AGBL1: variants seen among roughly 807,000 people sequenced by gnomAD.
AGBL1 encodes the protein AGBL carboxypeptidase 1.
AGBL1 carries 130 observed loss-of-function variants against 118.9 expected under a neutral mutation model. The observed-to-expected ratio is 1.09, with a 90% CI of 0.95 to 1.26. AGBL1 has a LOEUF of 1.26. AGBL1 is among the 50% of genes most tolerant of loss of function. The pLI is 0.00. For synonymous variants in AGBL1, 555 were observed against 478.9 expected (o/e 1.16, Z -2.08); for missense variants, 1,584 against 1,298.1 (o/e 1.22, Z -3.38).
At chr15:86,265,391 T>G (rs2079055552) in intron 11 of AGBL1, among the ~76,000 whole-genome samples, 2 of 152,132 alleles carry the variant, frequency 1.3e-5, no homozygotes, top group South Asian at 4.1e-4. Context: ...AAACACTGGT[T>G]GATAGATTAT....
chr15:86,902,908 G>A (rs2080230691), intron 22 of AGBL1, among the ~76,000 whole-genome samples: 1 of 152,092 alleles, frequency 6.6e-6, no homozygotes. Flanking sequence ...TTATCTGTTT[G>A]GGGGTTTTTC....
chr15:86,649,720 A>T (rs1445707976), intron 21 of AGBL1, among the ~76,000 whole-genome samples: 12 of 143,536 alleles, frequency 8.4e-5, no homozygotes, highest in African/African-American at 2.8e-5. Flanking sequence ...TTCTTTTTAC[A>T]TAAAAACAAT....
At chr15:86,441,298 TA>T (rs377608043) in intron 18 of AGBL1, among the ~76,000 whole-genome samples, 1 of 151,874 alleles carries the variant, frequency 6.6e-6, no homozygotes, top group African/African-American at 2.4e-5. Context: ...TTACTTTTTT[TA>T]AAAAAAATAT....
At chr15:86,945,967 C>T (rs1005258080) in intron 23 of AGBL1, among the ~76,000 whole-genome samples, 2 of 152,188 alleles carry the variant, frequency 1.3e-5, no homozygotes, top group African/African-American at 2.4e-5. Context: ...CTGATTTCAT[C>T]TACTCAACAG....
intron 18 of AGBL1, among the ~76,000 whole-genome samples, chr15:86,448,061 C>G (rs919814991): frequency 7.9e-5 from 12 of 152,140 alleles, no homozygotes; most frequent in Admixed American, 6.6e-5. Context: ...GGGAGGGTCA[C>G]CTGAGCCAGG....
chr15:86,642,625 A>AT (rs60732398), intron 21 of AGBL1, among the ~76,000 whole-genome samples: 1 of 149,234 alleles, frequency 6.7e-6, no homozygotes, highest in Non-Finnish European at 1.5e-5. Context: ...CTTATTAAAT[A>AT]ATATTTAATG....
At chr15:86,215,224 C>G (rs62013786) in intron 5 of AGBL1, among the ~76,000 whole-genome samples, 1 of 114,404 alleles carries the variant, frequency 8.7e-6, no homozygotes, top group Non-Finnish European at 1.9e-5. Context: ...TATATGTATG[C>G]GTGTGTGTGT....
In AGBL1 at chr15:86,908,247, T is replaced by C. The variant is rs2080307002; in HGVS notation, c.*953T>C. 2 of 152,182 alleles carry C rather than the reference T, an allele frequency of 1.3e-5. No individual in the cohort carries two copies. The highest frequency in any genetic ancestry group is 4.1e-4 in the South Asian group (2 of 4,830). 9.4% of individuals were successfully genotyped at this position (152,182 alleles called of 1,614,324 possible). A position where few individuals can be genotyped will look rare whatever the true frequency, so the allele number is the denominator to read the frequency against. The stretch of plus-strand genomic sequence containing the variant: ...CACAACAACATTGGCTTATTTTTCT[T>C]CATAACACAAAAGAACATTCTATAT... On this transcript the variant is annotated 3_prime_UTR_variant, in exon 23 of 23. Transcript: ENST00000614907.
At chr15:86,396,360 T>C (rs1241953251) in intron 17 of AGBL1, among the ~76,000 whole-genome samples, 6 of 151,778 alleles carry the variant, frequency 4.0e-5, no homozygotes. Context: ...CCAGCTATCT[T>C]CTATAAACAA....
chr15:86,699,876 A>G (rs1282310762), intron 22 of AGBL1, among the ~76,000 whole-genome samples: 3 of 152,048 alleles, frequency 2.0e-5, no homozygotes, highest in African/African-American at 4.8e-5. Flanking sequence ...TAAATGTTCT[A>G]TTTTTAAAAT....
chr15:86,598,677 G>A (rs1438240243), intron 21 of AGBL1, among the ~76,000 whole-genome samples: 2 of 152,172 alleles, frequency 1.3e-5, no homozygotes, highest in Middle Eastern at 6.8e-3. Flanking sequence ...CCACTGTTGG[G>A]AACACTGCTG....
In AGBL1 at chr15:86,805,980, A is replaced by G. The variant is rs188150450; in HGVS notation, c.3159-101107A>G. Among the ~76,000 whole-genome samples the G allele has an allele frequency of 4.8e-3, 733 of 152,242 alleles. 2 individuals carry two copies. The highest frequency in any genetic ancestry group is 8.1e-3 in the Non-Finnish European group (554 of 68,000). On this transcript the variant is annotated intron_variant, in intron 22 of 22. Transcript: ENST00000614907. Reference sequence around the variant, plus strand: ...TACTAATGGGGTCTATGCTGATTTCAGGGGCTCTTTCCCCAGAGACTTTTT... The same window carrying G: ...TACTAATGGGGTCTATGCTGATTTCGGGGGCTCTTTCCCCAGAGACTTTTT...
At chr15:86,137,000 C>T (rs765310253) in intron 1 of AGBL1, among the ~76,000 whole-genome samples, 20 of 152,068 alleles carry the variant, frequency 1.3e-4, no homozygotes, top group South Asian at 1.2e-3. Flanking sequence ...TTCAAAGGAT[C>T]ATTAAAGGAA....
chr15:86,234,762 T>A (rs892133138), intron 6 of AGBL1, among the ~76,000 whole-genome samples: 1 of 152,260 alleles, frequency 6.6e-6, no homozygotes, highest in East Asian at 1.9e-4. Flanking sequence ...CAAGGTGATG[T>A]TTAAAAGAGT....
chr15:86,450,797 A>G (rs2082183549), intron 18 of AGBL1, among the ~76,000 whole-genome samples: 3 of 152,202 alleles, frequency 2.0e-5, no homozygotes, highest in Admixed American at 2.0e-4. Flanking sequence ...ATGCTGCATA[A>G]AAATTCTCTA....
chr15:86,098,471 T>A (rs562379376), intron 1 of AGBL1, among the ~76,000 whole-genome samples: 2 of 152,140 alleles, frequency 1.3e-5, no homozygotes, highest in African/African-American at 2.4e-5. Context: ...CTTTAATCCA[T>A]CTTGAGTTGA....
chr15:86,736,340 A>G (rs2077598744), intron 22 of AGBL1, among the ~76,000 whole-genome samples: 1 of 151,984 alleles, frequency 6.6e-6, no homozygotes, highest in African/African-American at 2.4e-5. Context: ...AGATCGTGCC[A>G]CTGCACTCCA....
chr15:86,675,809 T>C (rs1021733851), intron 22 of AGBL1, among the ~76,000 whole-genome samples: 4 of 152,152 alleles, frequency 2.6e-5, no homozygotes, highest in Non-Finnish European at 5.9e-5. Context: ...CTGCTGCTCA[T>C]TGAGGGAAGA....
At chr15:86,864,469 T>G (rs774583805) in intron 22 of AGBL1, among the ~76,000 whole-genome samples, 7 of 152,188 alleles carry the variant, frequency 4.6e-5, no homozygotes, top group Admixed American at 1.3e-4. Flanking sequence ...TACCTTCATG[T>G]CATAGATAAG....
Sources: gnomAD v4.1 joint callset for allele counts (sites outside exome capture counted in the v4.1 genomes callset) on GRCh38, gnomAD v4.1.1 for gene constraint, MANE v1.5 for transcripts, NCBI Gene and HGNC (gene_info 2026-07-23, HGNC 2026-07-21) for gene names.